The following CHD5 variants were observed in gnomAD, a reference collection of about 807,000 sequenced individuals.
CHD5 encodes ATP-dependent chromatin remodeler CHD5.
Under a neutral mutation model 230.3 loss-of-function variants are expected in CHD5, and 69 were observed. The ratio of observed to expected loss-of-function variants is 0.30; its 90% CI spans 0.25 to 0.37. The LOEUF is 0.37. CHD5 is among the 10% of genes least tolerant of loss of function. CHD5 has a pLI of 1.00. For missense variants in CHD5, 1,827 were observed against 2,622.8 expected (o/e 0.70, Z 6.63); for synonymous variants, 1,064 against 1,065.9 (o/e 1.00, Z 0.03).
intron 7 of CHD5, among the ~76,000 whole-genome samples, chr1:6,150,069 T>C (rs892832593): frequency 5.7e-5 from 8 of 141,474 alleles, no homozygotes; most frequent in African/African-American, 1.6e-4. Flanking sequence ...AATGGAAGGA[T>C]GGATGCATAG....
chr1:6,119,640 AAAGAT>A (rs1396079763), intron 33 of CHD5, among the ~76,000 whole-genome samples: 19 of 152,050 alleles, frequency 1.2e-4, no homozygotes, highest in African/African-American at 4.6e-4. Flanking sequence ...AAATACTAGT[AAAGAT>A]ATTAAAAACT....
intron 1 of CHD5, among the ~76,000 whole-genome samples, chr1:6,179,732 T>TAGCCGCCCTC (rs1250866328): frequency 2.4e-5 from 2 of 82,964 alleles, no homozygotes; most frequent in Admixed American, 1.2e-4. Flanking sequence ...ACCCCGCCCT[T>TAGCCGCCCTC]AGCCGCCCTC....
In CHD5 at chr1:6,128,538, C is replaced by T; in HGVS notation, c.3691G>A (p.Ala1231Thr). Reference protein sequence around the residue: ...DVQSSKGGNLAASAKKKHGST... With the variant: ...DVQSSKGGNLTASAKKKHGST... Reference sequence around the variant, plus strand: ...CCGTGCTTCTTCTTTGCACTGGCGGCCAAGTTCCCCCCTTTGGAGGACTGG... The same window carrying T: ...CCGTGCTTCTTCTTTGCACTGGCGGTCAAGTTCCCCCCTTTGGAGGACTGG... Residue 1231 changes from alanine (A) to threonine (T), a missense_variant, in exon 24 of 42, where the codon GCC (alanine) becomes ACC (threonine). Ala to Thr is a moderately conservative substitution (Grantham distance 58). Coordinates refer to ENST00000262450, the MANE Select transcript of CHD5 (RefSeq NM_015557.3). The surrounding 1 kb of genome is among the most constrained non-coding windows in gnomAD (Gnocchi z 7.8). 6.2e-7 allele frequency: 1 copy of T among 1,614,140 alleles called. No homozygotes were observed. The highest frequency in any genetic ancestry group is 8.5e-7 in the Non-Finnish European group (1 of 1,180,016).
In CHD5 at chr1:6,152,401, C is replaced by A; in HGVS notation, c.870+11G>T. ...AAATGCACACACACGCGCACACACG[C>A]ACACACTCACCGAGGAGCCTTTCTT... On this transcript the variant is annotated intron_variant, in intron 6 of 41. Transcript: ENST00000262450. 6.2e-7 allele frequency: 1 copy of A among 1,611,800 alleles called. No individual in the cohort carries two copies. Among genetic ancestry groups the A allele is most frequent in the Non-Finnish European group, 8.5e-7 (1 of 1,178,872 alleles).
rs1666661149 is a variant in CHD5, at chr1:6,131,778, G to A, written c.3145-30C>T. 2 of 1,503,822 alleles carry A rather than the reference G, an allele frequency of 1.3e-6. No individual in the cohort carries two copies. The highest frequency in any genetic ancestry group is 1.8e-6 in the Non-Finnish European group (2 of 1,082,190). The allele number at this position is 1,503,822 out of a possible 1,614,324, so 93.2% of individuals were successfully genotyped here. A position where few individuals can be genotyped will look rare whatever the true frequency, so the allele number is the denominator to read the frequency against. ...AGGGGAGACGGGCACGTGAGGAACT[G>A]CCAAGGAGCAAGGGGCCCCATGGGC... On this transcript the variant is annotated intron_variant, in intron 20 of 41. Transcript: ENST00000262450. This position sits in a 1 kb window ranked among gnomAD's most constrained non-coding sequence, Gnocchi z 5.0.
chr1:6,115,344 C>T (rs1666363389), intron 33 of CHD5, among the ~76,000 whole-genome samples: 1 of 152,134 alleles, frequency 6.6e-6, no homozygotes, highest in South Asian at 2.1e-4. Flanking sequence ...AGACTTCCGG[C>T]CCTTGGTGTC....
chr1:6,110,678 C>A (rs1571138051), intron 36 of CHD5, 152 bp from the exon 37 acceptor site: 1 of 766,696 alleles, frequency 1.3e-6, no homozygotes, highest in Non-Finnish European at 2.1e-6. Context: ...GCACGAGGAA[C>A]ATATTGATGA....
intron 36 of CHD5, 34 bp from the exon 37 acceptor site, chr1:6,110,560 G>C: frequency 3.5e-6 from 5 of 1,439,162 alleles, no homozygotes; most frequent in East Asian, 3.1e-5. Flanking sequence ...AAACCTGGCC[G>C]TTAGAAGTGG....
chr1:6,137,877 A>T (rs1216150002), intron 15 of CHD5, among the ~76,000 whole-genome samples: 1 of 152,236 alleles, frequency 6.6e-6, no homozygotes, highest in Non-Finnish European at 1.5e-5. Flanking sequence ...TCCCTGGGAC[A>T]GGTTCTCATT....
Position 6,133,859 on chromosome 1 carries a change from G to A in CHD5, c.3144+269C>T, listed in dbSNP as rs1257693982. Among the ~76,000 whole-genome samples the A allele has an allele frequency of 3.3e-5, 5 of 152,226 alleles. No homozygotes were observed. In the South Asian group the frequency reaches 8.3e-4, roughly 25 times the overall value. The stretch of plus-strand genomic sequence containing the variant: ...GCTGCGGGGGAGAGGGCCAGGGCAG[G>A]GGAGGAGGGGCTGTCCTACCAGCCT... On this transcript the variant is annotated intron_variant, in intron 20 of 41. Transcript: ENST00000262450.
intron 7 of CHD5, among the ~76,000 whole-genome samples, chr1:6,150,822 TCC>T (rs1486968021): frequency 6.6e-6 from 1 of 151,950 alleles, no homozygotes; most frequent in Non-Finnish European, 1.5e-5. Context: ...AGGATGCCCC[TCC>T]CCAGACAGTA....
intron 5 of CHD5, 71 bp from the exon 6 acceptor site, chr1:6,152,607 G>C: frequency 3.7e-6 from 6 of 1,604,990 alleles, no homozygotes; most frequent in Non-Finnish European, 5.1e-6. Flanking sequence ...TCATCTCACT[G>C]AGCTCTCGGT....
At chr1:6,153,159 C>T (rs987792518) in intron 5 of CHD5, among the ~76,000 whole-genome samples, 32 of 152,232 alleles carry the variant, frequency 2.1e-4, no homozygotes, top group African/African-American at 7.7e-4. Context: ...CCAGGCCGTC[C>T]TCTGGCCACA....
chr1:6,154,350 C>T lies in CHD5; in HGVS notation c.745+310G>A, dbSNP rs746574881. Among the ~76,000 whole-genome samples, 3 of 152,204 alleles carry T rather than the reference C, an allele frequency of 2.0e-5. No individual in the cohort carries two copies. Among genetic ancestry groups the T allele is most frequent in the Non-Finnish European group, 4.4e-5 (3 of 68,034 alleles). Reference sequence around the variant, plus strand: ...GCTCCACTCTGCGTACCTCTGGTCCCGCCCTCCCTCCAGGCCCACGTCGGG... The same window carrying T: ...GCTCCACTCTGCGTACCTCTGGTCCTGCCCTCCCTCCAGGCCCACGTCGGG... On this transcript the variant is annotated intron_variant, in intron 5 of 41. Coordinates refer to ENST00000262450, the MANE Select transcript of CHD5 (RefSeq NM_015557.3). The surrounding 1 kb of genome is among the most constrained non-coding windows in gnomAD (Gnocchi z 7.0).
chr1:6,160,627 C>T (rs1010894279), intron 2 of CHD5, among the ~76,000 whole-genome samples: 1 of 152,300 alleles, frequency 6.6e-6, no homozygotes, highest in Non-Finnish European at 1.5e-5. Flanking sequence ...GCAGCAGGCA[C>T]ATCACAGTTT....
rs549964922 is a variant in CHD5 at position 6,146,929 on chromosome 1, C to T, written c.1384-58G>A. 1.4e-5 allele frequency: 19 copies of T among 1,324,482 alleles called. 1 individual carries two copies. In the South Asian group the frequency reaches 2.9e-4, roughly 20 times the overall value. The allele number at this position is 1,324,482 out of a possible 1,614,324, so 82.0% of individuals were successfully genotyped here. ...TCAGCTGCAGGGCCCCACCCTGAGG[C>T]TCCCATGACAGCAGGCTGCCATGCA... On this transcript the variant is annotated intron_variant, in intron 9 of 41. Transcript: ENST00000262450. The surrounding 1 kb of genome is among the most constrained non-coding windows in gnomAD (Gnocchi z 5.1).
At chr1:6,160,645 G>A (rs1667162167) in intron 2 of CHD5, among the ~76,000 whole-genome samples, 2 of 152,284 alleles carry the variant, frequency 1.3e-5, no homozygotes, top group African/African-American at 4.8e-5. Flanking sequence ...TTTTCTCCAT[G>A]TGCGGACTCT....
chr1:6,142,156 C>A lies in CHD5; in HGVS notation c.2408G>T (p.Arg803Leu). The change falls in exon 15 of 42, where the codon CGG becomes CTG. Residue 803 changes from arginine to leucine, a missense_variant. Around this residue, in one of 14 missense-constraint regions of CHD5, gnomAD observed 80 missense variants for 96.4 expected, o/e 0.83. Transcript: ENST00000262450. This position sits in a 1 kb window ranked among gnomAD's most constrained non-coding sequence, Gnocchi z 5.2. ...NEFSFEDNAI[R>L]SGKKVFRMKK... ...CATACGGAATACCTTCTTCCCACTC[C>A]GAATGGCGTTGTCCTCAAAGGAAAA... 1 of 1,614,158 alleles carries A rather than the reference C, an allele frequency of 6.2e-7. No individual in the cohort carries two copies. The highest frequency in any genetic ancestry group is 8.5e-7 in the Non-Finnish European group (1 of 1,179,994).
In CHD5 at chr1:6,110,416, T is replaced by C. The variant is rs1466962190; in HGVS notation, c.5360A>G (p.Lys1787Arg). 1 of 1,613,926 alleles carries C rather than the reference T, an allele frequency of 6.2e-7. No individual in the cohort carries two copies. Among genetic ancestry groups the C allele is most frequent in the African/African-American group, 1.3e-5 (1 of 74,942 alleles). ...HKGNYLEMKNKFLARRFKLLE... is the reference protein window; with the variant it reads ...HKGNYLEMKNRFLARRFKLLE... ...GACCTTAAACCTGCGGGCCAGGAAC[T>C]TGTTCTTCATCTCCAGGTAGTTGCC... is the stretch of plus-strand genomic sequence containing the variant. The change falls in exon 37 of 42, where the codon AAG becomes AGG. Residue 1787 changes from lysine to arginine, a missense_variant. Lys to Arg is a conservative substitution (Grantham distance 26). Coordinates refer to ENST00000262450, the MANE Select transcript of CHD5 (RefSeq NM_015557.3).
Sources: gnomAD v4.1 joint callset for allele counts (sites outside exome capture counted in the v4.1 genomes callset) on GRCh38, gnomAD v4.1.1 for gene constraint, gnomAD v4.1.1 regional missense constraint, Gnocchi (gnomAD v3.1) non-coding constraint, MANE v1.5 for transcripts, NCBI Gene and HGNC (gene_info 2026-07-23, HGNC 2026-07-21) for gene names.